Variants in C19orf47 observed in about 807,000 individuals in gnomAD.
C19orf47 encodes chromosome 19 open reading frame 47.
A neutral mutation model predicts 32.3 loss-of-function variants in C19orf47; 18 were observed. The ratio of observed to expected loss-of-function variants is 0.56; its 90% CI spans 0.39 to 0.83. The LOEUF is 0.83. Among genes scored for constraint, C19orf47 ranks in the 40% least tolerant of loss-of-function variants. The pLI, the probability that C19orf47 is intolerant of heterozygous loss-of-function variation, is 0.00. For missense variants in C19orf47, 484 were observed against 531.6 expected, an observed-to-expected ratio of 0.91 and a Z score of 0.88; for synonymous variants, 202 against 211.1, an observed-to-expected ratio of 0.96 and a Z score of 0.37.
chr19:40,337,912 G>A (rs1311799484), intron 2 of C19orf47, among the ~76,000 whole-genome samples: 1 of 152,148 alleles, frequency 6.6e-6, no homozygotes, highest in Non-Finnish European at 1.5e-5. Flanking sequence ...CACCTGCTAA[G>A]CCATAGGGCC....
intron 8 of C19orf47, among the ~76,000 whole-genome samples, 196 bp downstream of exon 8, chr19:40,323,810 G>C (rs1381203810): frequency 6.6e-6 from 1 of 152,170 alleles, no homozygotes; most frequent in African/African-American, 2.4e-5. Flanking sequence ...TGGACCCCCA[G>C]GGCTGGAAAC....
At chr19:40,341,510 T>C (rs545868839) in intron 2 of C19orf47, among the ~76,000 whole-genome samples, 1 of 152,292 alleles carries the variant, frequency 6.6e-6, no homozygotes, top group African/African-American at 2.4e-5. Context: ...AGCTTTTACA[T>C]GCTATAATCT....
chr19:40,316,460 G>A (rs1012195462), downstream of C19orf47, among the ~76,000 whole-genome samples: 1 of 152,194 alleles, frequency 6.6e-6, no homozygotes, highest in Non-Finnish European at 1.5e-5. Flanking sequence ...ATGAGAATAG[G>A]AAGACCCTGC....
the C19orf47 span, among the ~76,000 whole-genome samples, chr19:40,310,554 A>T: frequency 6.6e-6 from 1 of 152,212 alleles, no homozygotes; most frequent in African/African-American, 2.4e-5. Context: ...TGCTGGGATT[A>T]AACATGTGAG....
chr19:40,321,173 G>A lies in C19orf47; in HGVS notation c.*709C>T. 1 of 931,734 alleles carries A rather than the reference G, an allele frequency of 1.1e-6. No homozygotes were observed. The highest frequency in any genetic ancestry group is 1.3e-6 in the Non-Finnish European group (1 of 779,684). The allele number at this position is 931,734 out of a possible 1,614,324, so 57.7% of individuals were successfully genotyped here. A position where few individuals can be genotyped will look rare whatever the true frequency, so the allele number is the denominator to read the frequency against. ...CCGCCATACACTTTCAGAGACAGATGCCCAGGGCAGGAAAACGGATGCGCC... is the reference window on the plus strand; with the variant it reads ...CCGCCATACACTTTCAGAGACAGATACCCAGGGCAGGAAAACGGATGCGCC... On this transcript the variant is annotated 3_prime_UTR_variant, in exon 9 of 9. Transcript: ENST00000683109.
At position 40,341,757 on chromosome 19, in the gene C19orf47, C is replaced by A. The variant is rs567166310; in HGVS notation, c.19+82G>T. 1.8e-4 allele frequency: 267 copies of A among 1,523,866 alleles called. 2 individuals are homozygous for A. In the East Asian group the frequency reaches 6.4e-3, roughly 37 times the overall value. The allele number at this position is 1,523,866 out of a possible 1,614,324, so 94.4% of individuals were successfully genotyped here. On this transcript the variant is annotated intron_variant, in intron 2 of 8. Coordinates refer to ENST00000683109, the MANE Select transcript of C19orf47 (RefSeq NM_001256441.2). ...GCCAGTGACCCAGTCCTCCCTCCCC[C>A]ATCCCATCATCCCCCACCAAGGCCA...
intron 2 of C19orf47, chr19:40,339,038 T>C (rs2078126120): frequency 6.6e-6 from 1 of 152,428 alleles, no homozygotes; most frequent in African/African-American, 2.4e-5. Flanking sequence ...AGCCTATGAT[T>C]GATTAATTGA....
chr19:40,347,383 T>A (rs957154457), intron 1 of C19orf47, among the ~76,000 whole-genome samples: 3 of 151,786 alleles, frequency 2.0e-5, no homozygotes, highest in Non-Finnish European at 4.4e-5. Context: ...ACAAAAAAAA[T>A]TAGCCGGGCG....
chr19:40,316,948 G>C (rs10417028), downstream of C19orf47, among the ~76,000 whole-genome samples: 1,188 of 122,572 alleles, frequency 9.7e-3, 15 homozygotes, highest in African/African-American at 0.029. Context: ...CTCCTCTGCT[G>C]TGTGTGTGTG....
chr19:40,344,001 G>A (rs919399454), intron 1 of C19orf47, among the ~76,000 whole-genome samples: 2 of 151,286 alleles, frequency 1.3e-5, no homozygotes, highest in African/African-American at 2.4e-5. Flanking sequence ...TCACCATGTT[G>A]GCCAGGCTAG....
At chr19:40,311,813 G>A in the C19orf47 span, among the ~76,000 whole-genome samples, 19 of 151,888 alleles carry the variant, frequency 1.3e-4, no homozygotes, top group South Asian at 6.2e-4. Flanking sequence ...ATACCATCAC[G>A]CCTGGCTACA....
chr19:40,333,056 G>A (rs1188282573), intron 5 of C19orf47, among the ~76,000 whole-genome samples: 5 of 152,042 alleles, frequency 3.3e-5, no homozygotes, highest in East Asian at 1.9e-4. Context: ...TCAGGAGTTC[G>A]AGACCAGCCT....
the C19orf47 span, among the ~76,000 whole-genome samples, chr19:40,303,506 A>G: frequency 7.6e-5 from 11 of 143,922 alleles, no homozygotes; most frequent in African/African-American, 2.9e-4. Context: ...TGGGCAACAG[A>G]GCGAGACTCT....
At chr19:40,345,983 C>T (rs1461573008) in intron 1 of C19orf47, among the ~76,000 whole-genome samples, 3 of 151,922 alleles carry the variant, frequency 2.0e-5, no homozygotes, top group East Asian at 1.9e-4. Flanking sequence ...GGCGAAACTC[C>T]GCCTCTACTA....
chr19:40,348,361 C>T lies in C19orf47; in HGVS notation c.-71G>A, dbSNP rs2078374971. On this transcript the variant is annotated 5_prime_UTR_variant, in exon 1 of 9. Coordinates refer to ENST00000683109, the MANE Select transcript of C19orf47 (RefSeq NM_001256441.2). ...GCCCGCGCCCACTCGCGCCGCCCGC[C>T]CTCCCTCCCGGCGGCGCCAACTGTC... 7 of 1,400,326 alleles carry T rather than the reference C, an allele frequency of 5.0e-6. No individual in the cohort carries two copies. Among genetic ancestry groups the T allele is most frequent in the Non-Finnish European group, 6.5e-6 (7 of 1,076,860 alleles). The allele number at this position is 1,400,326 out of a possible 1,614,324, so 86.7% of individuals were successfully genotyped here. A position where few individuals can be genotyped will look rare whatever the true frequency, so the allele number is the denominator to read the frequency against.
the C19orf47 span, among the ~76,000 whole-genome samples, chr19:40,303,790 C>T: frequency 2.7e-5 from 3 of 112,000 alleles, no homozygotes; most frequent in East Asian, 7.9e-4. Flanking sequence ...GGCGACAGAA[C>T]GAGACTTTGT....
chr19:40,323,089 C>G (rs1025342249), intron 8 of C19orf47, among the ~76,000 whole-genome samples: 3 of 152,210 alleles, frequency 2.0e-5, no homozygotes, highest in Admixed American at 2.0e-4. Context: ...ATTGAGCACT[C>G]GCTATGCGCC....
chr19:40,313,413 C>A, the C19orf47 span, among the ~76,000 whole-genome samples: 1 of 152,152 alleles, frequency 6.6e-6, no homozygotes, highest in South Asian at 2.1e-4. Flanking sequence ...CAGCTTCTAC[C>A]TGTTGCGCTC....
intron 1 of C19orf47, among the ~76,000 whole-genome samples, chr19:40,346,161 A>ATAAATAAATAAAT (rs1363816725): frequency 6.7e-6 from 1 of 150,010 alleles, no homozygotes; most frequent in Non-Finnish European, 1.5e-5. Flanking sequence ...ATCTCAAAAA[A>ATAAATAAATAAAT]AAAAAAAAAA....
Sources: gnomAD v4.1 joint callset for allele counts (sites outside exome capture counted in the v4.1 genomes callset) on GRCh38, gnomAD v4.1.1 for gene constraint, MANE v1.5 for transcripts, NCBI Gene and HGNC (gene_info 2026-07-23, HGNC 2026-07-21) for gene names.